Variants in RIF1 observed in about 807,000 individuals in gnomAD.
The protein encoded by RIF1 is replication timing regulatory factor 1, also known as telomere-associated protein RIF1.
RIF1 carries 45 observed loss-of-function variants against 247.1 expected under a neutral mutation model. The observed-to-expected ratio is 0.18, with a 90% CI of 0.14 to 0.23. The LOEUF (loss-of-function observed/expected upper bound fraction) is 0.23. Among genes scored for constraint, RIF1 ranks in the 10% least tolerant of loss-of-function variants. RIF1 has a pLI of 1.00. For missense variants in RIF1, 2,967 were observed against 2,862.5 expected, an observed-to-expected ratio of 1.04 and a Z score of -0.83; for synonymous variants, 1,087 against 978.8, an observed-to-expected ratio of 1.11 and a Z score of -2.06.
At chr2:151,439,964 CCCT>C in intron 14 of RIF1, 60 bp from the exon 15 acceptor site, 1 of 648,366 alleles carries the variant, frequency 1.5e-6, no homozygotes, top group Non-Finnish European at 2.5e-6. Context: ...CAGAGCAAGA[CCCT>C]GTCTCAAAAA....
intron 24 of RIF1, 23 bp from the exon 25 acceptor site, chr2:151,458,788 A>G (rs776049340): frequency 2.8e-6 from 4 of 1,414,934 alleles, no homozygotes; most frequent in African/African-American, 1.4e-5. Context: ...CTTAAGGTAT[A>G]TATTTTATGT....
intron 9 of RIF1, among the ~76,000 whole-genome samples, chr2:151,490,929 G>A (rs2056000294): frequency 6.6e-6 from 1 of 152,142 alleles, no homozygotes; most frequent in African/African-American, 2.4e-5. Context: ...AATACCATGG[G>A]CAGACCTTTA....
chr2:151,530,964 G>A, the RIF1 span: 10 of 1,460,390 alleles, frequency 6.8e-6, no homozygotes, highest in Non-Finnish European at 8.6e-6. Context: ...GCCAAGATGA[G>A]AGGGACTGCT....
rs1300343175 is a variant in RIF1, at chr2:151,465,989, T to C, written c.6469T>C (p.Ser2157Pro). 1 of 1,614,006 alleles carries C rather than the reference T, an allele frequency of 6.2e-7. No homozygotes were observed. The highest frequency in any genetic ancestry group is 1.7e-5 in the Admixed American group (1 of 60,034). ...AAGGGAACTTGATCCTTCACTTGTG[T>C]CAGCAAATGACAGTCCTAGTGGCAT... ...KLRELDPSLV[S>P]ANDSPSGMQT... Residue 2157 changes from serine (S) to proline (P), a missense_variant, in exon 30 of 36, where the codon TCA becomes CCA. Ser to Pro is a moderately conservative substitution (Grantham distance 74). Transcript: ENST00000444746.
intron 30 of RIF1, among the ~76,000 whole-genome samples, chr2:151,467,391 G>A (rs2152514518): frequency 6.6e-6 from 1 of 152,130 alleles, no homozygotes; most frequent in East Asian, 1.9e-4. Flanking sequence ...CTGTAAGACA[G>A]AGTAGTGCAG....
At chr2:151,439,994 A>AT in intron 14 of RIF1, 33 bp from the exon 15 acceptor site, 2 of 872,732 alleles carry the variant, frequency 2.3e-6, no homozygotes, top group Non-Finnish European at 3.6e-6. Flanking sequence ...AAAAAAAAAA[A>AT]AGAACTATAC....
At chr2:151,497,600 G>A in intron 10 of RIF1, 2 of 1,547,852 alleles carry the variant, frequency 1.3e-6, no homozygotes, top group African/African-American at 1.4e-5. Context: ...TAAATAAGTA[G>A]TTTTTTTCTT....
chr2:151,480,585 C>A lies in RIF1; in HGVS notation c.*5514C>A, dbSNP rs1386593081. 1 of 152,062 alleles carries A rather than the reference C, an allele frequency of 6.6e-6. No homozygotes were observed. The highest frequency in any genetic ancestry group is 2.4e-5 in the African/African-American group (1 of 41,398). 9.4% of individuals were successfully genotyped at this position (152,062 alleles called of 1,614,324 possible). On this transcript the variant is annotated 3_prime_UTR_variant, in exon 36 of 36. Transcript: ENST00000444746. Reference sequence around the variant, plus strand: ...TATGTTAAAATACATTATTAATACTCCCACAAAAGCAGTAAGTTAATAAGT... The same window carrying A: ...TATGTTAAAATACATTATTAATACTACCACAAAAGCAGTAAGTTAATAAGT...
chr2:151,410,477 C>T lies in RIF1; in HGVS notation c.54C>T (p.Asp18=), dbSNP rs375624031. 60 of 1,614,094 alleles carry T rather than the reference C, an allele frequency of 3.7e-5. No homozygotes were observed. The highest frequency in any genetic ancestry group is 7.7e-5 in the South Asian group (7 of 91,034). ...CGCCGCTGTTGGAGACTTTGGAAGA[C>T]CCTTCTGCCTCCCATGGAGGGCAGA... is the stretch of plus-strand genomic sequence containing the variant. ...PLAPLLETLE[D]PSASHGGQTD... The change falls in exon 2 of 36, where the codon GAC becomes GAT. Residue 18 remains aspartate, a synonymous_variant. Coordinates refer to ENST00000444746, the MANE Select transcript of RIF1 (RefSeq NM_018151.5).
At chr2:151,413,911 C>G (rs1025973738) in intron 3 of RIF1, among the ~76,000 whole-genome samples, 1 of 152,144 alleles carries the variant, frequency 6.6e-6, no homozygotes, top group Non-Finnish European at 1.5e-5. Flanking sequence ...GGAAATGGTA[C>G]AAGGGAAATG....
intron 20 of RIF1, among the ~76,000 whole-genome samples, chr2:151,449,842 G>GA: frequency 8.4e-6 from 1 of 119,708 alleles, no homozygotes; most frequent in African/African-American, 3.0e-5. Context: ...CTACTTTGAT[G>GA]CCTTTTTTTT....
chr2:151,525,722 C>T, the RIF1 span, among the ~76,000 whole-genome samples: 2 of 152,188 alleles, frequency 1.3e-5, no homozygotes, highest in Non-Finnish European at 2.9e-5. Flanking sequence ...TTAGTAATAT[C>T]TGATATGGCT....
chr2:151,443,840 G>A (rs988156562), intron 18 of RIF1, 131 bp downstream of exon 18: 6 of 536,090 alleles, frequency 1.1e-5, no homozygotes, highest in African/African-American at 5.9e-5. Context: ...ATTGGTAAAC[G>A]TTGTACTTTT....
chr2:151,440,123 C>T lies in RIF1; in HGVS notation c.1643C>T (p.Thr548Met), dbSNP rs1420111258. 10 of 1,519,776 alleles carry T rather than the reference C, an allele frequency of 6.6e-6. No homozygotes were observed. Among genetic ancestry groups the T allele is most frequent in the Admixed American group, 1.8e-5 (1 of 54,802 alleles). The allele number at this position is 1,519,776 out of a possible 1,614,324, so 94.1% of individuals were successfully genotyped here. The change falls in exon 15 of 36, where the codon ACG (threonine) becomes ATG (methionine). Residue 548 changes from threonine to methionine, a missense_variant. Physicochemically the swap from Thr to Met is moderately conservative, Grantham distance 81 (BLOSUM62 -1). Transcript: ENST00000444746. ...VKSEVFPVSKTLVLMEITIKG... is the reference protein window; with the variant it reads ...VKSEVFPVSKMLVLMEITIKG... ...TCTGAAGTATTTCCTGTATCAAAAA[C>T]GCTGGTAAGTATAATACCCGTATGT...
At chr2:151,427,726 G>A (rs183518252) in intron 8 of RIF1, among the ~76,000 whole-genome samples, 2 of 149,694 alleles carry the variant, frequency 1.3e-5, no homozygotes, top group Non-Finnish European at 3.0e-5. Flanking sequence ...TTAGTCACCA[G>A]CCTGGCCAGC....
At chr2:151,504,728 G>C (rs911132836) in intron 12 of RIF1, among the ~76,000 whole-genome samples, 1 of 152,128 alleles carries the variant, frequency 6.6e-6, no homozygotes, top group Non-Finnish European at 1.5e-5. Flanking sequence ...TAGAATCTGC[G>C]TATGGATGGG....
At chr2:151,458,522 GTGCC>G (rs1559003285) in intron 24 of RIF1, among the ~76,000 whole-genome samples, 3 of 151,978 alleles carry the variant, frequency 2.0e-5, no homozygotes. Flanking sequence ...GTGAGCCACT[GTGCC>G]CTGCCTGGAT....
Position 151,464,263 on chromosome 2 carries a change from C to T in RIF1, c.4743C>T (p.Asp1581=), listed in dbSNP as rs762805082. 2.6e-5 allele frequency: 42 copies of T among 1,613,756 alleles called. No homozygotes were observed. In the South Asian group the frequency reaches 4.0e-4, roughly 15 times the overall value. ...AAAACAAAAGCAATGAAAGTGTTGACATTCAAGATCAAGAAGAGAAAGTGG... is the reference window on the plus strand; with the variant it reads ...AAAACAAAAGCAATGAAAGTGTTGATATTCAAGATCAAGAAGAGAAAGTGG... ...KWKNKSNESV[D]IQDQEEKVVK... The change falls in exon 30 of 36, where the codon GAC becomes GAT. Residue 1581 remains aspartate (D), a synonymous_variant. Coordinates refer to ENST00000444746, the MANE Select transcript of RIF1 (RefSeq NM_018151.5).
At chr2:151,462,364 A>G (rs1280766328) in intron 28 of RIF1, 42 bp downstream of exon 28, 1 of 1,470,582 alleles carries the variant, frequency 6.8e-7, no homozygotes, top group Non-Finnish European at 9.2e-7. Context: ...TGTTTTATTC[A>G]TTTTCAAATA....
Sources: allele counts gnomAD v4.1 joint callset (sites outside exome capture counted in the v4.1 genomes callset), GRCh38; gene constraint gnomAD v4.1.1; transcripts MANE v1.5; gene names NCBI Gene and HGNC (gene_info 2026-07-23, HGNC 2026-07-21).